Variants in DAB1 observed in about 807,000 individuals in gnomAD.
DAB1 encodes the protein DAB adaptor protein 1, also known as disabled homolog 1.
DAB1 carries 15 observed loss-of-function variants against 64.6 expected under a neutral mutation model. The ratio of observed to expected loss-of-function variants is 0.23; its 90% CI spans 0.16 to 0.36. The LOEUF is 0.36. DAB1 is among the 10% of genes least tolerant of loss of function. The probability of loss-of-function intolerance (pLI) is 1.00; values close to 1 mark genes in which losing one functional copy is unlikely to be tolerated. For synonymous variants in DAB1, 235 were observed against 251.9 expected, an observed-to-expected ratio of 0.93 and a Z score of 0.64; for missense variants, 596 against 706.7, an observed-to-expected ratio of 0.84 and a Z score of 1.78.
At chr1:58,374,197 G>A (rs1246152822) in intron 3 of DAB1, among the ~76,000 whole-genome samples, 3 of 127,184 alleles carry the variant, frequency 2.4e-5, no homozygotes, top group Admixed American at 8.3e-5. Flanking sequence ...GATCCCATTT[G>A]TCAATTTTGG....
At chr1:57,480,643 C>T (rs896069056) in intron 7 of DAB1, among the ~76,000 whole-genome samples, 19 of 152,070 alleles carry the variant, frequency 1.2e-4, no homozygotes, top group African/African-American at 4.3e-4. Flanking sequence ...TGCCACCATG[C>T]CTGGCTAATT....
At chr1:57,678,270 C>A (rs960134812) in intron 6 of DAB1, among the ~76,000 whole-genome samples, 2 of 152,122 alleles carry the variant, frequency 1.3e-5, no homozygotes. Context: ...TTGCAGAGGA[C>A]CCATTAATCC....
chr1:58,177,013 G>A (rs1656521078), intron 4 of DAB1, among the ~76,000 whole-genome samples: 2 of 151,532 alleles, frequency 1.3e-5, no homozygotes, highest in South Asian at 4.2e-4. Flanking sequence ...TCTCAACACT[G>A]TTACAATGGT....
At chr1:58,162,355 C>CT (rs983483352) in intron 4 of DAB1, among the ~76,000 whole-genome samples, 1 of 152,166 alleles carries the variant, frequency 6.6e-6, no homozygotes, top group South Asian at 2.1e-4. Context: ...TTTCTCTATT[C>CT]TTTTTTTCCT....
intron 4 of DAB1, among the ~76,000 whole-genome samples, chr1:57,081,114 A>G (rs1038886462): frequency 2.6e-5 from 4 of 152,222 alleles, no homozygotes; most frequent in African/African-American, 9.7e-5. Context: ...TGTACTGTAT[A>G]TAGAAGGATT....
At chr1:58,339,574 GGAAA>G (rs757795553) in intron 4 of DAB1, among the ~76,000 whole-genome samples, 2 of 152,194 alleles carry the variant, frequency 1.3e-5, no homozygotes, top group Non-Finnish European at 2.9e-5. Context: ...AAGGCTCAGG[GGAAA>G]GAGAGTCTGA....
intron 14 of DAB1, among the ~76,000 whole-genome samples, chr1:57,003,194 C>G (rs1273617876): frequency 6.6e-6 from 1 of 152,224 alleles, no homozygotes; most frequent in Non-Finnish European, 1.5e-5. Flanking sequence ...CTGTGGATAA[C>G]AGAAACTTCC....
chr1:57,564,703 T>A (rs1645096023), intron 7 of DAB1, among the ~76,000 whole-genome samples: 1 of 152,066 alleles, frequency 6.6e-6, no homozygotes, highest in Admixed American at 6.6e-5. Flanking sequence ...ATCAAATGAA[T>A]GAAATGAAGC....
At chr1:57,364,443 G>A (rs575936870) in intron 1 of DAB1, among the ~76,000 whole-genome samples, 74 of 152,168 alleles carry the variant, frequency 4.9e-4, no homozygotes, top group Non-Finnish European at 1.8e-4. Context: ...TTTACTAGCC[G>A]TGACACCTCA....
chr1:58,341,697 A>G (rs1643936132), intron 4 of DAB1, among the ~76,000 whole-genome samples: 1 of 152,176 alleles, frequency 6.6e-6, no homozygotes, highest in Non-Finnish European at 1.5e-5. Context: ...AGCAGCTTCT[A>G]TTACCTACTA....
At chr1:57,556,045 C>A (rs138473329) in intron 7 of DAB1, among the ~76,000 whole-genome samples, 34 of 152,214 alleles carry the variant, frequency 2.2e-4, no homozygotes, top group East Asian at 1.2e-3. Flanking sequence ...GTGTTTCCAA[C>A]ACAAATTGAG....
intron 7 of DAB1, among the ~76,000 whole-genome samples, chr1:57,498,003 C>T (rs550554241): frequency 3.2e-4 from 48 of 152,216 alleles, no homozygotes; most frequent in African/African-American, 1.1e-3. Flanking sequence ...GTGGTTTGTA[C>T]AAGGGTGGAG....
chr1:57,014,077 G>C (rs1311074026), intron 12 of DAB1, among the ~76,000 whole-genome samples: 2 of 152,174 alleles, frequency 1.3e-5, no homozygotes, highest in African/African-American at 4.8e-5. Flanking sequence ...GAGGATAAAA[G>C]ATACTTCAAA....
intron 5 of DAB1, among the ~76,000 whole-genome samples, chr1:58,024,240 T>C (rs929789543): frequency 3.3e-5 from 5 of 152,182 alleles, no homozygotes; most frequent in African/African-American, 1.2e-4. Flanking sequence ...TGTGTATCTT[T>C]GCCAGTAATT....
intron 4 of DAB1, among the ~76,000 whole-genome samples, chr1:57,092,067 C>A (rs1439228653): frequency 2.0e-5 from 3 of 152,196 alleles, no homozygotes; most frequent in African/African-American, 7.2e-5. Context: ...TGAATGAAGT[C>A]TCTCTGTCCT....
At position 57,196,973 on chromosome 1, in the gene DAB1, C is replaced by T. The variant is rs1334231438; in HGVS notation, c.68-51544G>A. Among the ~76,000 whole-genome samples the T allele has an allele frequency of 2.0e-5, 3 of 152,200 alleles. No individual in the cohort carries two copies. In the East Asian group the frequency reaches 5.8e-4, roughly 29 times the overall value. ...ACTTTGTGGGTCCATTTGATCCACA[C>T]AGCAAACCTATTAGGCAGATTGCCA... On this transcript the variant is annotated intron_variant, in intron 2 of 14. Transcript: ENST00000371236.
intron 1 of DAB1, among the ~76,000 whole-genome samples, chr1:57,838,013 C>T (rs1284987812): frequency 1.3e-5 from 2 of 152,008 alleles, no homozygotes; most frequent in East Asian, 3.9e-4. Flanking sequence ...TGGATATTTA[C>T]CTAGTGTTTA....
chr1:57,065,160 T>C (rs1009774116), intron 8 of DAB1, among the ~76,000 whole-genome samples: 2 of 152,322 alleles, frequency 1.3e-5, no homozygotes, highest in Admixed American at 6.5e-5. Context: ...GGGTGAGATA[T>C]CAATCTGCCT....
chr1:58,060,772 T>C (rs1287261285), intron 5 of DAB1, among the ~76,000 whole-genome samples: 1 of 152,244 alleles, frequency 6.6e-6, no homozygotes, highest in African/African-American at 2.4e-5. Context: ...CCATGGGCTG[T>C]TAAGCAAAAG....
Sources: gnomAD v4.1 joint callset for allele counts (sites outside exome capture counted in the v4.1 genomes callset) on GRCh38, gnomAD v4.1.1 for gene constraint, MANE v1.5 for transcripts, NCBI Gene and HGNC (gene_info 2026-07-23, HGNC 2026-07-21) for gene names.